Variants in SNX29 observed in about 807,000 individuals in gnomAD.
The protein encoded by SNX29 is sorting nexin-29.
Under a neutral mutation model 102.1 loss-of-function variants are expected in SNX29, and 78 were observed. The observed-to-expected ratio is 0.76, with a 90% CI of 0.64 to 0.92. The LOEUF (loss-of-function observed/expected upper bound fraction) is 0.92. SNX29 is among the 40% of genes least tolerant of loss of function. The pLI, the probability that SNX29 is intolerant of heterozygous loss-of-function variation, is 0.00. For synonymous variants in SNX29, 580 were observed against 414.5 expected (o/e 1.40, Z -4.85); for missense variants, 1,280 against 1,061.7 (o/e 1.21, Z -2.86).
intron 20 of SNX29, among the ~76,000 whole-genome samples, chr16:12,537,720 G>A (rs141261040): frequency 6.6e-6 from 1 of 152,142 alleles, no homozygotes; most frequent in African/African-American, 2.4e-5. Flanking sequence ...AAGGGAAGCA[G>A]AGTAGGTATT....
chr16:12,511,796 G>C (rs1009139337), intron 19 of SNX29, among the ~76,000 whole-genome samples: 6 of 152,046 alleles, frequency 3.9e-5, no homozygotes, highest in Middle Eastern at 3.2e-3. Context: ...TTTAGAGTAA[G>C]ATCTCGAAAG....
intron 15 of SNX29, among the ~76,000 whole-genome samples, chr16:12,335,124 C>T (rs765715016): frequency 3.3e-5 from 5 of 151,912 alleles, no homozygotes; most frequent in Non-Finnish European, 5.9e-5. Flanking sequence ...CAGCACTTCC[C>T]AGAGTGGTGT....
chr16:11,997,881 A>G lies in SNX29; in HGVS notation c.8-1416A>G, dbSNP rs568864011. On this transcript the variant is annotated intron_variant, in intron 1 of 20. Coordinates refer to ENST00000566228, the MANE Select transcript of SNX29 (RefSeq NM_032167.5). ...TTGCCTCACATACACTAGAAGTTAA[A>G]TAAGTCCTGGGTGGATCAACACACA... 3.3e-5 allele frequency among the ~76,000 whole-genome samples: 5 copies of G among 152,310 alleles called. No homozygotes were observed. In the East Asian group the frequency reaches 7.7e-4, roughly 23 times the overall value.
rs184767997 is a variant in SNX29, at chr16:12,346,356, A to G, written c.1783-9807A>G. On this transcript the variant is annotated intron_variant, in intron 15 of 20. Transcript: ENST00000566228. ...TTATGGAGTACTTTACGTAACCCTA[A>G]GTAAAGCACCTCTTTCTTTTATTAT... Among the ~76,000 whole-genome samples the G allele has an allele frequency of 1.2e-4, 19 of 152,320 alleles. No homozygotes were observed. The East Asian group carries it at 3.7e-3, about 29-fold the overall frequency.
At chr16:12,337,530 C>A (rs572195073) in intron 15 of SNX29, among the ~76,000 whole-genome samples, 1 of 152,116 alleles carries the variant, frequency 6.6e-6, no homozygotes, top group South Asian at 2.1e-4. Flanking sequence ...TCTGTAGAGA[C>A]GAGGTTTTGC....
At chr16:12,142,821 A>G (rs2141516501) in intron 13 of SNX29, among the ~76,000 whole-genome samples, 1 of 151,986 alleles carries the variant, frequency 6.6e-6, no homozygotes, top group Middle Eastern at 3.4e-3. Flanking sequence ...TCGGCCTCCC[A>G]AAGTGCTGGG....
intron 12 of SNX29, 118 bp from the exon 13 acceptor site, chr16:12,129,512 A>G: frequency 7.6e-7 from 1 of 1,319,360 alleles, no homozygotes; most frequent in Non-Finnish European, 1.0e-6. Flanking sequence ...ATTATGGTTT[A>G]TGCAGAGCCT....
chr16:12,396,499 G>A (rs545019605), intron 16 of SNX29, among the ~76,000 whole-genome samples: 23 of 152,264 alleles, frequency 1.5e-4, no homozygotes, highest in South Asian at 2.1e-4. Flanking sequence ...TCCCCATAGC[G>A]TGCCCAGAAG....
chr16:12,130,365 C>T (rs1209694989), intron 13 of SNX29, among the ~76,000 whole-genome samples: 5 of 148,390 alleles, frequency 3.4e-5, no homozygotes, highest in Middle Eastern at 3.7e-3. Context: ...GTCCCAGCTA[C>T]GCGGGAGGCT....
intron 18 of SNX29, among the ~76,000 whole-genome samples, chr16:12,432,953 T>G (rs1852989105): frequency 6.6e-6 from 1 of 152,070 alleles, no homozygotes; most frequent in Admixed American, 6.5e-5. Flanking sequence ...CATGGGGTAG[T>G]GTGATGCCGG....
At chr16:12,213,888 G>A (rs1347057435) in intron 14 of SNX29, among the ~76,000 whole-genome samples, 1 of 152,202 alleles carries the variant, frequency 6.6e-6, no homozygotes, top group Non-Finnish European at 1.5e-5. Flanking sequence ...TGAATACTGG[G>A]TAGGCAGCCA....
intron 16 of SNX29, among the ~76,000 whole-genome samples, chr16:12,376,642 A>G (rs915684158): frequency 2.8e-5 from 4 of 145,252 alleles, no homozygotes; most frequent in Admixed American, 7.1e-5. Context: ...AGGCGGAGGC[A>G]GGGAGAATTG....
intron 11 of SNX29, among the ~76,000 whole-genome samples, chr16:12,085,106 G>T (rs1482744492): frequency 6.6e-6 from 1 of 152,024 alleles, no homozygotes; most frequent in African/African-American, 2.4e-5. Context: ...CCCCAGGGCA[G>T]TGAGTGTCTT....
intron 11 of SNX29, among the ~76,000 whole-genome samples, chr16:12,099,621 T>A (rs553536136): frequency 6.6e-6 from 1 of 152,262 alleles, no homozygotes; most frequent in Admixed American, 6.5e-5. Flanking sequence ...CCTGTCGGCC[T>A]CCAGAAGGAA....
At chr16:12,233,623 A>G (rs1021811328) in intron 14 of SNX29, among the ~76,000 whole-genome samples, 9 of 152,208 alleles carry the variant, frequency 5.9e-5, no homozygotes, top group African/African-American at 2.2e-4. Flanking sequence ...AACTTTATTG[A>G]GATATAATTC....
chr16:12,551,267 A>T (rs956290106), intron 20 of SNX29, among the ~76,000 whole-genome samples: 14 of 152,284 alleles, frequency 9.2e-5, no homozygotes, highest in African/African-American at 3.1e-4. Flanking sequence ...CCGGAGGTTC[A>T]GACACCGTCA....
chr16:12,290,515 T>C (rs2079758200), intron 15 of SNX29, among the ~76,000 whole-genome samples: 1 of 152,174 alleles, frequency 6.6e-6, no homozygotes, highest in African/African-American at 2.4e-5. Flanking sequence ...GTGTCGTGAA[T>C]GTGTCCCATT....
chr16:12,566,883 T>G (rs1408022566), intron 20 of SNX29, among the ~76,000 whole-genome samples: 2 of 152,370 alleles, frequency 1.3e-5, no homozygotes, highest in East Asian at 3.9e-4. Flanking sequence ...AGCAACAACT[T>G]GACTTACAGG....
Position 12,452,012 on chromosome 16 carries a change from G to A in SNX29, c.2038-25707G>A, listed in dbSNP as rs1038133481. ...TCTTCTGGATTCAGCTCTAGAAAGGGCCCATGCTCAGCTGTTTAGCTTTGG... is the reference window on the plus strand; with the variant it reads ...TCTTCTGGATTCAGCTCTAGAAAGGACCCATGCTCAGCTGTTTAGCTTTGG... On this transcript the variant is annotated intron_variant, in intron 18 of 20. Transcript: ENST00000566228. Among the ~76,000 whole-genome samples the A allele has an allele frequency of 9.2e-5, 14 of 152,316 alleles. 1 individual carries two copies. In the South Asian group the frequency reaches 2.5e-3, roughly 27 times the overall value.
Sources: gnomAD v4.1 joint callset for allele counts (sites outside exome capture counted in the v4.1 genomes callset) on GRCh38, gnomAD v4.1.1 for gene constraint, MANE v1.5 for transcripts, NCBI Gene and HGNC (gene_info 2026-07-23, HGNC 2026-07-21) for gene names.